STX5: variants seen among roughly 807,000 people sequenced by gnomAD.
STX5 encodes the protein syntaxin 5.
A neutral mutation model predicts 42.9 loss-of-function variants in STX5; 15 were observed. That is an observed-to-expected ratio of 0.35 (90% confidence interval 0.23 to 0.54). The LOEUF (loss-of-function observed/expected upper bound fraction) is 0.54. Among genes scored for constraint, STX5 ranks in the 20% least tolerant of loss-of-function variants. The pLI is 0.91. For synonymous variants in STX5, 184 were observed against 173.2 expected (o/e 1.06, Z -0.49); for missense variants, 430 against 455.0 (o/e 0.95, Z 0.50).
Position 62,807,270 on chromosome 11 carries a change from T to G in STX5, c.*199A>C. On this transcript the variant is annotated 3_prime_UTR_variant, in exon 11 of 11. Transcript: ENST00000294179. ...CAAATCTAGAACCCTGTGTGTTTCATAGGCCTGAGGGTGGTGGGGGGAGGA... is the reference window on the plus strand; with the variant it reads ...CAAATCTAGAACCCTGTGTGTTTCAGAGGCCTGAGGGTGGTGGGGGGAGGA... The G allele has an allele frequency of 1.4e-6, 1 of 716,206 alleles. No homozygotes were observed. The highest frequency in any genetic ancestry group is 3.1e-5 in the Admixed American group (1 of 32,708). The allele number at this position is 716,206 out of a possible 1,614,324, so 44.4% of individuals were successfully genotyped here. A position where few individuals can be genotyped will look rare whatever the true frequency, so the allele number is the denominator to read the frequency against.
At chr11:62,824,308 A>G in intron 9 of STX5, 21 bp from the exon 10 acceptor site, 2 of 1,614,188 alleles carry the variant, frequency 1.2e-6, no homozygotes, top group Non-Finnish European at 1.7e-6. Flanking sequence ...GGGAGAGAGC[A>G]CATGAGCACC....
intron 2 of STX5, chr11:62,830,374 G>T (rs540268839): frequency 2.8e-6 from 1 of 362,478 alleles, no homozygotes; most frequent in African/African-American, 2.1e-5. Flanking sequence ...AACATAGTGA[G>T]ACACTGCCTG....
chr11:62,831,319 G>T, intron 1 of STX5, 57 bp from the exon 2 acceptor site: 2 of 1,238,070 alleles, frequency 1.6e-6, no homozygotes, highest in Non-Finnish European at 2.3e-6. Context: ...AAACTCCCCC[G>T]CCCCACCCCA....
chr11:62,827,980 C>G (rs914238372), intron 2 of STX5, among the ~76,000 whole-genome samples: 12 of 150,454 alleles, frequency 8.0e-5, no homozygotes, highest in African/African-American at 2.9e-4. Context: ...CTACCTGGTA[C>G]ATAGTAAGCA....
chr11:62,809,214 G>C (rs1326573274), intron 10 of STX5, among the ~76,000 whole-genome samples: 1 of 151,036 alleles, frequency 6.6e-6, no homozygotes, highest in African/African-American at 2.4e-5. Context: ...CTTGAACCCA[G>C]GAGGTGGAGC....
rs149819672 is a variant in STX5 at position 62,827,087 on chromosome 11, G to A, written c.423+68C>T. 2.5e-4 allele frequency: 371 copies of A among 1,494,660 alleles called. 2 individuals carry two copies. The East Asian group carries it at 8.2e-3, about 33-fold the overall frequency. 92.6% of individuals were successfully genotyped at this position (1,494,660 alleles called of 1,614,324 possible). On this transcript the variant is annotated intron_variant, in intron 5 of 10. Transcript: ENST00000294179. ...ACTTGCTCTGGGTCCCCATGGCAAT[G>A]GAAAATGACAGGAAGACAGAAGTGA...
At chr11:62,810,986 C>G (rs2084611052) in intron 10 of STX5, among the ~76,000 whole-genome samples, 1 of 152,204 alleles carries the variant, frequency 6.6e-6, no homozygotes, top group South Asian at 2.1e-4. Context: ...CTCGAACTTT[C>G]TTTCTCAGGA....
intron 2 of STX5, among the ~76,000 whole-genome samples, 186 bp from the exon 3 acceptor site, chr11:62,827,817 G>A (rs1252863860): frequency 2.0e-5 from 3 of 152,078 alleles, no homozygotes; most frequent in Non-Finnish European, 4.4e-5. Flanking sequence ...TTCAAATCTT[G>A]ACTCACCACT....
chr11:62,825,484 T>A lies in STX5; in HGVS notation c.479A>T (p.Lys160Met). 1 of 1,614,058 alleles carries A rather than the reference T, an allele frequency of 6.2e-7. No homozygotes were observed. Reference protein sequence around the residue: ...IAQLQDFVRAKGSQSGRHLQT... With the variant: ...IAQLQDFVRAMGSQSGRHLQT... ...CAGGTGCCGGCCACTCTGGCTGCCC[T>A]TGGCTCTCACGAAATCCTGGAGCTG... is the stretch of plus-strand genomic sequence containing the variant. The change falls in exon 6 of 11, where the codon AAG (lysine) becomes ATG (methionine). Residue 160 changes from lysine (K) to methionine (M), a missense_variant. Coordinates refer to ENST00000294179, the MANE Select transcript of STX5 (RefSeq NM_003164.5).
intron 10 of STX5, among the ~76,000 whole-genome samples, chr11:62,811,642 C>CT (rs767239486): frequency 2.0e-5 from 3 of 151,564 alleles, no homozygotes; most frequent in Non-Finnish European, 2.9e-5. Context: ...AGTACCTACT[C>CT]TGAGTTCTCT....
chr11:62,807,311 C>T lies in STX5; in HGVS notation c.*158G>A. The T allele has an allele frequency of 1.7e-6, 2 of 1,202,324 alleles. No individual in the cohort carries two copies. The highest frequency in any genetic ancestry group is 1.6e-5 in the South Asian group (1 of 60,800). The allele number at this position is 1,202,324 out of a possible 1,614,324, so 74.5% of individuals were successfully genotyped here. On this transcript the variant is annotated 3_prime_UTR_variant, in exon 11 of 11. Transcript: ENST00000294179. The stretch of plus-strand genomic sequence containing the variant: ...GGGGGGAGGACAGGGTGGCCAGAGG[C>T]AAGGGGTGGGGGATCAGGGGCAGTG...
At chr11:62,830,064 CAAAAAAA>C (rs764798047) in intron 2 of STX5, among the ~76,000 whole-genome samples, 1 of 53,272 alleles carries the variant, frequency 1.9e-5, no homozygotes, top group South Asian at 6.9e-4. Context: ...AATTCCTTCT[CAAAAAAA>C]AAAAAAAAAA....
intron 2 of STX5, among the ~76,000 whole-genome samples, chr11:62,828,736 A>AATAG (rs1258456017): frequency 8.4e-6 from 1 of 119,310 alleles, no homozygotes; most frequent in Non-Finnish European, 1.7e-5. Context: ...AAAATAAATA[A>AATAG]ATAAATAAAT....
chr11:62,820,672 C>T (rs1260832702), intron 10 of STX5, among the ~76,000 whole-genome samples: 1 of 151,520 alleles, frequency 6.6e-6, no homozygotes, highest in Non-Finnish European at 1.5e-5. Context: ...CCACGCCCGG[C>T]TAATTTTTTG....
rs1372635190 is a variant in STX5 at position 62,831,975 on chromosome 11, C to A, written c.-41G>T. The A allele has an allele frequency of 8.6e-6, 4 of 463,282 alleles. No homozygotes were observed. The highest frequency in any genetic ancestry group is 1.7e-5 in the Non-Finnish European group (4 of 232,142). 28.7% of individuals were successfully genotyped at this position (463,282 alleles called of 1,614,324 possible). A position where few individuals can be genotyped will look rare whatever the true frequency, so the allele number is the denominator to read the frequency against. ...TTACCTCCCCTCTGCCGCCTGCCGC[C>A]GCCGCCACTTCCAATCTCACCGGCC... On this transcript the variant is annotated 5_prime_UTR_variant, in exon 1 of 11. Transcript: ENST00000294179.
chr11:62,830,064 C>CA (rs764798047), intron 2 of STX5, among the ~76,000 whole-genome samples: 1,262 of 52,748 alleles, frequency 0.024, 8 homozygotes, highest in East Asian at 0.076. Flanking sequence ...AATTCCTTCT[C>CA]AAAAAAAAAA....
chr11:62,808,645 G>A (rs1043333152), intron 10 of STX5, among the ~76,000 whole-genome samples: 7 of 152,104 alleles, frequency 4.6e-5, no homozygotes, highest in Non-Finnish European at 8.8e-5. Context: ...ATGCAAATAT[G>A]ACAAGATTTT....
intron 10 of STX5, among the ~76,000 whole-genome samples, chr11:62,810,969 T>C (rs1439065789): frequency 6.6e-6 from 1 of 152,180 alleles, no homozygotes; most frequent in African/African-American, 2.4e-5. Context: ...CTCAAACACA[T>C]CCTTACCTCG....
chr11:62,827,762 T>C, intron 2 of STX5, 131 bp from the exon 3 acceptor site: 1 of 927,080 alleles, frequency 1.1e-6, no homozygotes, highest in East Asian at 2.5e-5. Flanking sequence ...GATTTATGAG[T>C]GGTAGTCGTT....
Sources: allele counts gnomAD v4.1 joint callset (sites outside exome capture counted in the v4.1 genomes callset), GRCh38; gene constraint gnomAD v4.1.1; transcripts MANE v1.5; gene names NCBI Gene and HGNC (gene_info 2026-07-23, HGNC 2026-07-21).